Variants in RAPGEF1 observed in about 807,000 individuals in gnomAD.
RAPGEF1 encodes CRK SH3-binding GNRP.
RAPGEF1 carries 33 observed loss-of-function variants against 143.3 expected under a neutral mutation model. That is an observed-to-expected ratio of 0.23 (90% CI 0.17 to 0.31). RAPGEF1 has a LOEUF of 0.31. Ranked by LOEUF, RAPGEF1 falls within the 10% of genes least tolerant of loss-of-function variation. The pLI is 1.00. For missense variants in RAPGEF1, 1,199 were observed against 1,645.4 expected (o/e 0.73, Z 4.69); for synonymous variants, 629 against 676.5 (o/e 0.93, Z 1.09).
chr9:131,592,313 A>G (rs1342977397), intron 17 of RAPGEF1, 130 bp from the exon 18 acceptor site: 3 of 681,630 alleles, frequency 4.4e-6, no homozygotes, highest in African/African-American at 1.8e-5. Flanking sequence ...TGGGCGAGGG[A>G]GCCGAGGGCT....
chr9:131,604,270 C>T lies in RAPGEF1; in HGVS notation c.2320-217G>A, dbSNP rs536143311. Among the ~76,000 whole-genome samples the T allele has an allele frequency of 5.9e-5, 9 of 152,320 alleles. No individual in the cohort carries two copies. The South Asian group carries it at 1.5e-3, about 25-fold the overall frequency. ...GGGCTAAATCATCCTGGAGAGATGG[C>T]CCCACTGTAGTGGAGACAGCAGGGG... On this transcript the variant is annotated intron_variant, in intron 13 of 26. Transcript: ENST00000683357.
At chr9:131,690,615 A>G (rs913573229) in intron 1 of RAPGEF1, among the ~76,000 whole-genome samples, 5 of 151,980 alleles carry the variant, frequency 3.3e-5, no homozygotes, top group Admixed American at 2.6e-4. Flanking sequence ...CCTGGGCAAC[A>G]TGGCAAAACC....
At chr9:131,693,706 T>C (rs574108242) in intron 1 of RAPGEF1, among the ~76,000 whole-genome samples, 184 of 152,282 alleles carry the variant, frequency 1.2e-3, no homozygotes, top group African/African-American at 4.1e-3. Flanking sequence ...GGTCTTTACA[T>C]TGTTGTAATG....
At chr9:131,608,204 G>A (rs1167197221) in intron 12 of RAPGEF1, among the ~76,000 whole-genome samples, 1 of 152,244 alleles carries the variant, frequency 6.6e-6, no homozygotes, top group East Asian at 1.9e-4. Context: ...CTGCGTGCAA[G>A]TCCTCCGCAT....
At chr9:131,620,700 A>C (rs2132836964) in intron 11 of RAPGEF1, among the ~76,000 whole-genome samples, 1 of 152,216 alleles carries the variant, frequency 6.6e-6, no homozygotes, top group East Asian at 1.9e-4. Flanking sequence ...AGTGGAAACA[A>C]AACAGCTTGC....
chr9:131,586,921 G>A (rs1252161910), intron 22 of RAPGEF1, among the ~76,000 whole-genome samples: 3 of 84,286 alleles, frequency 3.6e-5, no homozygotes, highest in Admixed American at 2.6e-4. Context: ...GCGAGACTCC[G>A]TCTCAAACAC....
chr9:131,623,189 C>T (rs1028179817), intron 10 of RAPGEF1, among the ~76,000 whole-genome samples: 2 of 152,068 alleles, frequency 1.3e-5, no homozygotes, highest in East Asian at 1.9e-4. Flanking sequence ...TATGACCGGG[C>T]GCACTGGCTC....
At chr9:131,620,920 C>T (rs1960765446) in intron 11 of RAPGEF1, among the ~76,000 whole-genome samples, 1 of 152,220 alleles carries the variant, frequency 6.6e-6, no homozygotes, top group African/African-American at 2.4e-5. Context: ...GTAGAAGCCA[C>T]CAGACTGGCC....
At chr9:131,644,393 T>TA (rs34822352) in intron 3 of RAPGEF1, among the ~76,000 whole-genome samples, 13,609 of 137,176 alleles carry the variant, frequency 0.099, 724 homozygotes, top group East Asian at 0.26. Context: ...GGCTGTCCTT[T>TA]AAAAAAAAAA....
intron 1 of RAPGEF1, among the ~76,000 whole-genome samples, chr9:131,689,829 C>T (rs917486992): frequency 3.3e-5 from 5 of 152,192 alleles, no homozygotes; most frequent in South Asian, 2.1e-4. Context: ...CGAGCCACCG[C>T]GCTTGGCCAG....
intron 3 of RAPGEF1, among the ~76,000 whole-genome samples, chr9:131,646,393 A>C (rs1217172496): frequency 1.3e-5 from 2 of 152,248 alleles, no homozygotes; most frequent in African/African-American, 4.8e-5. Flanking sequence ...CCTGGTCAAA[A>C]AGATCTCATT....
intron 1 of RAPGEF1, among the ~76,000 whole-genome samples, chr9:131,732,114 A>T (rs760045167): frequency 6.6e-6 from 1 of 152,176 alleles, no homozygotes; most frequent in African/African-American, 2.4e-5. Context: ...ACAAAGAAGG[A>T]AGGGGGTGCC....
chr9:131,694,797 CT>C (rs60955547), intron 1 of RAPGEF1, among the ~76,000 whole-genome samples: 6,452 of 139,436 alleles, frequency 0.046, 452 homozygotes, highest in African/African-American at 0.15. Context: ...TTCACACTTT[CT>C]TTTTTTTTTT....
chr9:131,724,326 T>G (rs1476261895), intron 1 of RAPGEF1, among the ~76,000 whole-genome samples: 1 of 152,214 alleles, frequency 6.6e-6, no homozygotes, highest in Admixed American at 6.5e-5. Flanking sequence ...CCGGGCACGG[T>G]GGCTCACGCC....
chr9:131,714,682 T>A (rs2131236169), intron 1 of RAPGEF1, among the ~76,000 whole-genome samples: 1 of 150,774 alleles, frequency 6.6e-6, no homozygotes, highest in Admixed American at 6.6e-5. Flanking sequence ...CTCTTCTGTC[T>A]TCTGGGGTCC....
rs7850337 is a variant in RAPGEF1, at chr9:131,737,277, T to C, written c.61+2493A>G. The C allele has an allele frequency of 3.5e-3, 5,197 of 1,484,710 alleles. 166 individuals are homozygous for C. In the African/African-American group the frequency reaches 0.064, roughly 18 times the overall value. The allele number at this position is 1,484,710 out of a possible 1,614,324, so 92.0% of individuals were successfully genotyped here. ...CTTTCCGCAGCTCCTGGTCAGCCCC[T>C]TCCCCTCTCTCCTCTTTCTCCCTGT... is the stretch of plus-strand genomic sequence containing the variant. On this transcript the variant is annotated intron_variant, in intron 1 of 26. Coordinates refer to ENST00000683357, the MANE Select transcript of RAPGEF1 (RefSeq NM_001377935.1).
chr9:131,587,559 C>G (rs1953370084), intron 22 of RAPGEF1, among the ~76,000 whole-genome samples, 177 bp downstream of exon 22: 1 of 152,326 alleles, frequency 6.6e-6, no homozygotes, highest in Non-Finnish European at 1.5e-5. Flanking sequence ...CAAGCCCCAT[C>G]CTGTCCCTGC....
intron 1 of RAPGEF1, among the ~76,000 whole-genome samples, chr9:131,683,638 G>A (rs1014442751): frequency 6.6e-6 from 1 of 152,228 alleles, no homozygotes; most frequent in Non-Finnish European, 1.5e-5. Context: ...AGCCTGCTAA[G>A]CGTTTTCATT....
At chr9:131,619,273 C>G in intron 11 of RAPGEF1, 67 bp from the exon 12 acceptor site, 1 of 1,243,266 alleles carries the variant, frequency 8.0e-7, no homozygotes, top group Non-Finnish European at 1.1e-6. Flanking sequence ...CAGTCAGGTC[C>G]GTGCAGGGAA....
Sources: allele counts gnomAD v4.1 joint callset (sites outside exome capture counted in the v4.1 genomes callset), GRCh38; gene constraint gnomAD v4.1.1; transcripts MANE v1.5; gene names NCBI Gene and HGNC (gene_info 2026-07-23, HGNC 2026-07-21).